Variants in TENM4 observed in about 807,000 individuals in gnomAD.
TENM4 encodes the protein teneurin transmembrane protein 4.
A neutral mutation model predicts 243.3 loss-of-function variants in TENM4; 82 were observed. That is an observed-to-expected ratio of 0.34 (90% CI 0.28 to 0.40). TENM4 has a LOEUF of 0.40. Among genes scored for constraint, TENM4 ranks in the 10% least tolerant of loss-of-function variants. TENM4 has a pLI of 1.00. For synonymous variants in TENM4, 1,412 were observed against 1,456.3 expected, an observed-to-expected ratio of 0.97 and a Z score of 0.69; for missense variants, 3,138 against 3,673.3, an observed-to-expected ratio of 0.85 and a Z score of 3.77.
At chr11:79,185,520 A>T (rs1863365464) in intron 3 of TENM4, among the ~76,000 whole-genome samples, 1 of 152,226 alleles carries the variant, frequency 6.6e-6, no homozygotes, top group African/African-American at 2.4e-5. Context: ...TTCATATTGT[A>T]TCACCAGCGA....
chr11:79,047,187 T>C (rs896206415), intron 6 of TENM4, among the ~76,000 whole-genome samples: 3 of 152,154 alleles, frequency 2.0e-5, no homozygotes, highest in Admixed American at 6.5e-5. Context: ...AGAAAAATAA[T>C]ACCTCTGACC....
intron 19 of TENM4, among the ~76,000 whole-genome samples, chr11:78,744,777 C>T (rs574981859): frequency 6.6e-6 from 1 of 152,318 alleles, no homozygotes; most frequent in East Asian, 1.9e-4. Flanking sequence ...GGGTAACATA[C>T]ATTTGGTGCA....
chr11:78,875,471 T>C (rs1859246473), intron 9 of TENM4, among the ~76,000 whole-genome samples: 1 of 152,194 alleles, frequency 6.6e-6, no homozygotes, highest in African/African-American at 2.4e-5. Context: ...CCCAAAACGC[T>C]AGGATTACAG....
intron 9 of TENM4, among the ~76,000 whole-genome samples, chr11:78,885,974 G>T (rs1458834429): frequency 1.3e-5 from 2 of 152,142 alleles, no homozygotes; most frequent in African/African-American, 2.4e-5. Context: ...AATCTGTCAG[G>T]ATTACCAACC....
intron 2 of TENM4, among the ~76,000 whole-genome samples, chr11:79,218,237 C>CCCG (rs200507281): frequency 0.17 from 20,452 of 118,508 alleles, 1,544 homozygotes; most frequent in Non-Finnish European, 0.2. Context: ...CCTGCCCACC[C>CCCG]ACCCCCGACA....
intron 29 of TENM4, among the ~76,000 whole-genome samples, chr11:78,677,300 A>G (rs1211807057): frequency 7.2e-6 from 1 of 139,216 alleles, no homozygotes; most frequent in Non-Finnish European, 1.5e-5. Context: ...CCCAGGCTGT[A>G]GTGCAGTAGT....
intron 1 of TENM4, among the ~76,000 whole-genome samples, chr11:79,376,663 T>A (rs1369135606): frequency 1.3e-5 from 2 of 152,158 alleles, no homozygotes; most frequent in African/African-American, 4.8e-5. Context: ...GGTCCCAACA[T>A]CTCCAATTTA....
At chr11:79,344,284 G>A (rs1282419000) in intron 1 of TENM4, among the ~76,000 whole-genome samples, 1 of 152,206 alleles carries the variant, frequency 6.6e-6, no homozygotes, top group East Asian at 1.9e-4. Context: ...CTCAAAGCAT[G>A]AGGCTTTAGT....
intron 2 of TENM4, among the ~76,000 whole-genome samples, chr11:79,218,454 C>G (rs1864099635): frequency 6.6e-6 from 1 of 152,130 alleles, no homozygotes; most frequent in African/African-American, 2.4e-5. Context: ...ACGTTTTATG[C>G]TTGGATGAAA....
At chr11:79,290,346 C>T (rs1322663671) in intron 2 of TENM4, among the ~76,000 whole-genome samples, 1 of 152,194 alleles carries the variant, frequency 6.6e-6, no homozygotes, top group African/African-American at 2.4e-5. Flanking sequence ...CATAGCAACT[C>T]TTTAAGGTTA....
chr11:78,843,049 C>A (rs191617748), intron 12 of TENM4, among the ~76,000 whole-genome samples: 186 of 152,036 alleles, frequency 1.2e-3, no homozygotes, highest in Admixed American at 0.011. Flanking sequence ...GAGGCCGAGG[C>A]GGGTGGATCA....
intron 6 of TENM4, among the ~76,000 whole-genome samples, chr11:79,010,337 C>T (rs1227269697): frequency 6.6e-6 from 1 of 152,110 alleles, no homozygotes; most frequent in African/African-American, 2.4e-5. Context: ...TGTAAGTACT[C>T]TGAGGAATAC....
At chr11:78,731,846 AT>A (rs747719079) in intron 21 of TENM4, among the ~76,000 whole-genome samples, 4 of 152,240 alleles carry the variant, frequency 2.6e-5, no homozygotes, top group Admixed American at 2.0e-4. Context: ...TTGAGTACTT[AT>A]TAGGTGACAG....
intron 19 of TENM4, among the ~76,000 whole-genome samples, chr11:78,750,015 T>C (rs1399859678): frequency 6.6e-6 from 1 of 152,186 alleles, no homozygotes; most frequent in African/African-American, 2.4e-5. Context: ...CTTCTGACCT[T>C]TGATGTGGAA....
chr11:78,672,410 T>A, intron 30 of TENM4, 81 bp from the exon 31 acceptor site: 1 of 1,474,996 alleles, frequency 6.8e-7, no homozygotes, highest in Non-Finnish European at 9.2e-7. Flanking sequence ...TGCTCTCAGC[T>A]CTGCTGGGAA....
intron 1 of TENM4, among the ~76,000 whole-genome samples, chr11:79,381,594 T>C (rs1036277664): frequency 1.7e-4 from 26 of 149,846 alleles, no homozygotes; most frequent in African/African-American, 6.4e-4. Context: ...GAGCAGCCCA[T>C]CTAGTGTGCA....
At chr11:78,780,898 G>A (rs1856826751) in intron 16 of TENM4, among the ~76,000 whole-genome samples, 2 of 152,196 alleles carry the variant, frequency 1.3e-5, no homozygotes, top group Admixed American at 1.3e-4. Flanking sequence ...GGAGACAAAA[G>A]TAGACATTCA....
chr11:78,976,250 T>C (rs1857652345), intron 6 of TENM4, among the ~76,000 whole-genome samples: 1 of 152,210 alleles, frequency 6.6e-6, no homozygotes, highest in Non-Finnish European at 1.5e-5. Flanking sequence ...CTAAAGCTCC[T>C]TCCATAGCAT....
At chr11:79,282,111 A>G (rs1216968077) in intron 2 of TENM4, among the ~76,000 whole-genome samples, 3 of 152,244 alleles carry the variant, frequency 2.0e-5, no homozygotes, top group Non-Finnish European at 4.4e-5. Flanking sequence ...CAAAGCCACA[A>G]TGAGATACCA....
Sources: gnomAD v4.1 joint callset for allele counts (sites outside exome capture counted in the v4.1 genomes callset) on GRCh38, gnomAD v4.1.1 for gene constraint, MANE v1.5 for transcripts, NCBI Gene and HGNC (gene_info 2026-07-23, HGNC 2026-07-21) for gene names.